The following BICC1 variants were observed in gnomAD, a reference collection of about 807,000 sequenced individuals.
BICC1 encodes the protein protein bicaudal C homolog 1.
In BICC1, 43 loss-of-function variants were observed where a neutral mutation model predicts 111.0. The ratio of observed to expected loss-of-function variants is 0.39; its 90% confidence interval spans 0.30 to 0.50. The LOEUF (loss-of-function observed/expected upper bound fraction) is 0.50. Among genes scored for constraint, BICC1 ranks in the 20% least tolerant of loss-of-function variants. BICC1 has a pLI of 0.88. For missense variants in BICC1, 1,091 were observed against 1,203.2 expected (o/e 0.91, Z 1.38); for synonymous variants, 467 against 434.4 (o/e 1.07, Z -0.93).
intron 2 of BICC1, among the ~76,000 whole-genome samples, chr10:58,682,624 A>T (rs575751214): frequency 6.6e-6 from 1 of 152,142 alleles, no homozygotes; most frequent in African/African-American, 2.4e-5. Context: ...GCCAGTGATG[A>T]TGAGCATTTT....
At chr10:58,742,431 ATTTTTTTTTT>A (rs554670544) in intron 3 of BICC1, among the ~76,000 whole-genome samples, 1 of 94,170 alleles carries the variant, frequency 1.1e-5, no homozygotes, top group Non-Finnish European at 1.9e-5. Context: ...GTATGCTTTA[ATTTTTTTTTT>A]TTTTTTTTTT....
At chr10:58,719,416 TC>T (rs1840866642) in intron 3 of BICC1, among the ~76,000 whole-genome samples, 1 of 152,180 alleles carries the variant, frequency 6.6e-6, no homozygotes, top group African/African-American at 2.4e-5. Flanking sequence ...TGGCATGTCT[TC>T]CTGGAAAGCT....
At chr10:58,519,410 G>A (rs114324477) in intron 1 of BICC1, among the ~76,000 whole-genome samples, 308 of 152,190 alleles carry the variant, frequency 2.0e-3, no homozygotes, top group African/African-American at 7.0e-3. Context: ...AAGAAGAAGG[G>A]GGTCAGAATG....
intron 1 of BICC1, among the ~76,000 whole-genome samples, chr10:58,571,253 G>T (rs1774158220): frequency 1.3e-5 from 2 of 152,262 alleles, no homozygotes; most frequent in Non-Finnish European, 2.9e-5. Context: ...CAAATACCAA[G>T]CTCATGGAAG....
At chr10:58,609,737 C>T (rs1479998224) in intron 1 of BICC1, among the ~76,000 whole-genome samples, 3 of 152,168 alleles carry the variant, frequency 2.0e-5, no homozygotes, top group Non-Finnish European at 2.9e-5. Context: ...CAGTGGCTGT[C>T]ATATTGGATG....
chr10:58,610,507 T>G (rs1845381890), intron 1 of BICC1, among the ~76,000 whole-genome samples: 1 of 152,152 alleles, frequency 6.6e-6, no homozygotes, highest in African/African-American at 2.4e-5. Flanking sequence ...TGTTAAAATA[T>G]TTTGTGGGAA....
At chr10:58,752,104 TAAG>T (rs1842006404) in intron 3 of BICC1, among the ~76,000 whole-genome samples, 2 of 152,166 alleles carry the variant, frequency 1.3e-5, no homozygotes, top group African/African-American at 4.8e-5. Flanking sequence ...TCTCTTCAGC[TAAG>T]GAGAGAATGT....
At chr10:58,760,932 A>AC (rs778599703) in intron 3 of BICC1, among the ~76,000 whole-genome samples, 1 of 152,164 alleles carries the variant, frequency 6.6e-6, no homozygotes, top group East Asian at 1.9e-4. Flanking sequence ...GAATCAGAGG[A>AC]CCCCAAAGGG....
chr10:58,606,030 T>A (rs1055942867), intron 1 of BICC1, among the ~76,000 whole-genome samples: 1 of 152,208 alleles, frequency 6.6e-6, no homozygotes, highest in Non-Finnish European at 1.5e-5. Context: ...TTCCACATGG[T>A]TAAGATTTCA....
chr10:58,559,108 C>G (rs542619259), intron 1 of BICC1, among the ~76,000 whole-genome samples: 1 of 46,288 alleles, frequency 2.2e-5, no homozygotes, highest in East Asian at 8.6e-4. Context: ...TAATAACCAC[C>G]CCCCCAGGAC....
chr10:58,571,338 T>A (rs1843943972), intron 1 of BICC1, among the ~76,000 whole-genome samples: 1 of 152,176 alleles, frequency 6.6e-6, no homozygotes, highest in Non-Finnish European at 1.5e-5. Flanking sequence ...TATTTCCAAC[T>A]TTTATTGTAA....
intron 3 of BICC1, among the ~76,000 whole-genome samples, chr10:58,749,102 T>C (rs1327853421): frequency 6.6e-6 from 1 of 152,146 alleles, no homozygotes; most frequent in African/African-American, 2.4e-5. Context: ...ATTCATTTAA[T>C]TGATATTATG....
chr10:58,719,169 T>G lies in BICC1; in HGVS notation c.307+17026T>G, dbSNP rs190046714. Among the ~76,000 whole-genome samples, 442 of 152,320 alleles carry G rather than the reference T, an allele frequency of 2.9e-3. 13 individuals are homozygous for G. The highest frequency in any genetic ancestry group is 0.026 in the Admixed American group (403 of 15,304). ...CAGTTTAATTAACTGAGAACAAAAT[T>G]CACCTTCTGTGCTGTGCAACTTCAG... On this transcript the variant is annotated intron_variant, in intron 3 of 20. Coordinates refer to ENST00000373886, the MANE Select transcript of BICC1 (RefSeq NM_001080512.3).
intron 3 of BICC1, among the ~76,000 whole-genome samples, chr10:58,712,387 A>G (rs1022222225): frequency 2.6e-5 from 4 of 152,198 alleles, no homozygotes; most frequent in African/African-American, 9.6e-5. Context: ...TGTCTGCACA[A>G]AAACCTGCAC....
chr10:58,546,667 A>G (rs1843145493), intron 1 of BICC1, among the ~76,000 whole-genome samples: 1 of 152,162 alleles, frequency 6.6e-6, no homozygotes, highest in African/African-American at 2.4e-5. Flanking sequence ...GGAAAAACCC[A>G]GGTCCAAATG....
Position 58,801,020 on chromosome 10 carries a change from G to C in BICC1, c.1989G>C (p.Leu663Phe). ...CCAAAAGGCAGACAGTGGAACTATT[G>C]CAAGGCACGAAAAACTCACACTTAC... ...SCAKRQTVEL[L>F]QGTKNSHLHS... Residue 663 changes from leucine (L) to phenylalanine (F), a missense_variant, in exon 14 of 21, where the codon TTG (leucine) becomes TTC (phenylalanine). Leu to Phe is a conservative substitution (Grantham distance 22, BLOSUM62 0). Around this residue, in one of 3 missense-constraint regions of BICC1, gnomAD observed 843 missense variants for 900.8 expected, o/e 0.94. Coordinates refer to ENST00000373886, the MANE Select transcript of BICC1 (RefSeq NM_001080512.3). 1.2e-6 allele frequency: 2 copies of C among 1,608,268 alleles called. No homozygotes were observed. The highest frequency in any genetic ancestry group is 1.7e-6 in the Non-Finnish European group (2 of 1,177,778).
At chr10:58,717,375 GC>G (rs1376072689) in intron 3 of BICC1, among the ~76,000 whole-genome samples, 3 of 150,396 alleles carry the variant, frequency 2.0e-5, no homozygotes, top group African/African-American at 7.3e-5. Flanking sequence ...AAAAAAAACA[GC>G]TTCATATTGA....
chr10:58,612,651 A>G (rs1845469091), intron 1 of BICC1, among the ~76,000 whole-genome samples: 1 of 151,884 alleles, frequency 6.6e-6, no homozygotes, highest in African/African-American at 2.4e-5. Flanking sequence ...TACAGATTTG[A>G]AGAATTATAT....
chr10:58,638,186 A>C (rs1838008491), intron 2 of BICC1, among the ~76,000 whole-genome samples: 3 of 152,160 alleles, frequency 2.0e-5, no homozygotes, highest in Admixed American at 2.0e-4. Flanking sequence ...ATAGTGACTT[A>C]TTAGGAATTA....
Sources: gnomAD v4.1 joint callset for allele counts (sites outside exome capture counted in the v4.1 genomes callset) on GRCh38, gnomAD v4.1.1 for gene constraint, gnomAD v4.1.1 regional missense constraint, MANE v1.5 for transcripts, NCBI Gene and HGNC (gene_info 2026-07-23, HGNC 2026-07-21) for gene names.